CDK14: variants seen among roughly 807,000 people sequenced by gnomAD.
CDK14 encodes cyclin-dependent kinase 14.
Under a neutral mutation model 60.7 loss-of-function variants are expected in CDK14, and 34 were observed. That is an observed-to-expected ratio of 0.56 (90% CI 0.43 to 0.75). CDK14 has a LOEUF of 0.75. Among genes scored for constraint, CDK14 ranks in the 30% least tolerant of loss-of-function variants. The pLI, the probability that CDK14 is intolerant of heterozygous loss-of-function variation, is 0.00. For missense variants in CDK14, 482 were observed against 564.1 expected, an observed-to-expected ratio of 0.85 and a Z score of 1.47; for synonymous variants, 197 against 203.7, an observed-to-expected ratio of 0.97 and a Z score of 0.28.
At chr7:90,795,456 A>T (rs919655711) in intron 5 of CDK14, among the ~76,000 whole-genome samples, 1 of 150,432 alleles carries the variant, frequency 6.6e-6, no homozygotes, top group Non-Finnish European at 1.5e-5. Context: ...TTACATATAG[A>T]TATAAATTAA....
intron 4 of CDK14, among the ~76,000 whole-genome samples, chr7:90,778,543 T>G (rs1461616993): frequency 6.6e-6 from 1 of 152,182 alleles, no homozygotes; most frequent in Non-Finnish European, 1.5e-5. Context: ...TTAATCATGC[T>G]GTTACCCTTC....
intron 10 of CDK14, among the ~76,000 whole-genome samples, chr7:91,038,065 T>TG (rs1327685147): frequency 6.6e-6 from 1 of 152,196 alleles, no homozygotes; most frequent in Non-Finnish European, 1.5e-5. Context: ...CATTCAGTCC[T>TG]GCCTTCTTTC....
chr7:90,901,162 A>C (rs778635635), intron 7 of CDK14, among the ~76,000 whole-genome samples: 2 of 152,134 alleles, frequency 1.3e-5, no homozygotes, highest in Non-Finnish European at 2.9e-5. Context: ...CATTCATCAT[A>C]CTTCAAATAC....
At chr7:90,845,703 C>A (rs563275072) in intron 5 of CDK14, among the ~76,000 whole-genome samples, 42 of 152,222 alleles carry the variant, frequency 2.8e-4, no homozygotes, top group African/African-American at 9.6e-4. Context: ...ATAGGCACTA[C>A]TCAATGCTAA....
chr7:90,650,139 A>G (rs1211444080), intron 2 of CDK14, among the ~76,000 whole-genome samples: 2 of 152,140 alleles, frequency 1.3e-5, no homozygotes, highest in Non-Finnish European at 2.9e-5. Context: ...TGACATTTTA[A>G]TGATCACCAT....
intron 10 of CDK14, among the ~76,000 whole-genome samples, chr7:91,041,907 C>T (rs1481445450): frequency 1.3e-5 from 2 of 152,214 alleles, no homozygotes; most frequent in Admixed American, 6.5e-5. Context: ...GTGCCGGGCA[C>T]ATGGTGCACT....
chr7:91,011,574 A>T (rs368854244), intron 10 of CDK14, among the ~76,000 whole-genome samples: 120 of 151,932 alleles, frequency 7.9e-4, no homozygotes, highest in African/African-American at 2.8e-3. Context: ...CTACAATTAC[A>T]TGTCTTTTGG....
At chr7:90,623,922 C>T (rs924074554) in intron 2 of CDK14, among the ~76,000 whole-genome samples, 1 of 152,194 alleles carries the variant, frequency 6.6e-6, no homozygotes, top group African/African-American at 2.4e-5. Flanking sequence ...TCCTCTTTGT[C>T]ATCATCAGAA....
intron 5 of CDK14, among the ~76,000 whole-genome samples, chr7:90,816,683 G>A (rs1789370133): frequency 6.6e-6 from 1 of 152,146 alleles, no homozygotes; most frequent in Non-Finnish European, 1.5e-5. Flanking sequence ...TTCAGCGAGG[G>A]TGAGTTTGAG....
rs79008373 is a variant in CDK14, at chr7:91,068,966, G to A, written c.1106-10466G>A. ...CAGCACATTCCAGCCTAGCATACTC[G>A]TTATGGGAATGCAAGCCCCCTGCAA... On this transcript the variant is annotated intron_variant, in intron 11 of 14. Transcript: ENST00000380050. Among the ~76,000 whole-genome samples the A allele has an allele frequency of 4.3e-3, 660 of 152,148 alleles. 4 individuals carry two copies. The highest frequency in any genetic ancestry group is 0.015 in the African/African-American group (630 of 41,504).
intron 4 of CDK14, among the ~76,000 whole-genome samples, chr7:90,786,742 C>T (rs1051527585): frequency 6.6e-5 from 9 of 136,926 alleles, no homozygotes; most frequent in African/African-American, 2.5e-4. Flanking sequence ...CATAGTGAGA[C>T]CTTTTCTCTA....
intron 4 of CDK14, among the ~76,000 whole-genome samples, chr7:90,766,119 T>C (rs1388020248): frequency 6.6e-6 from 1 of 152,204 alleles, no homozygotes; most frequent in Admixed American, 6.5e-5. Context: ...CATGGAACTC[T>C]CTGTGTAGCA....
chr7:90,640,683 CTG>C (rs1311932276), intron 2 of CDK14, among the ~76,000 whole-genome samples: 1 of 151,998 alleles, frequency 6.6e-6, no homozygotes, highest in Non-Finnish European at 1.5e-5. Context: ...AGATAGGCCT[CTG>C]TGGTTTGATC....
intron 2 of CDK14, among the ~76,000 whole-genome samples, chr7:90,679,808 G>T (rs1363180720): frequency 1.3e-5 from 2 of 152,116 alleles, no homozygotes; most frequent in African/African-American, 4.8e-5. Flanking sequence ...CATTGAATCT[G>T]TCATTTTTAA....
intron 10 of CDK14, among the ~76,000 whole-genome samples, chr7:91,013,874 C>T (rs62468493): frequency 0.035 from 5,263 of 151,810 alleles, 121 homozygotes; most frequent in South Asian, 0.071. Context: ...CATTTTCAAC[C>T]CTGCATGAGT....
At chr7:90,980,824 G>A (rs999645972) in intron 9 of CDK14, among the ~76,000 whole-genome samples, 6 of 152,096 alleles carry the variant, frequency 3.9e-5, no homozygotes, top group African/African-American at 1.4e-4. Flanking sequence ...CATTCCAACT[G>A]AATAGAATTG....
chr7:90,873,019 A>C (rs1255525022), intron 6 of CDK14, among the ~76,000 whole-genome samples: 1 of 152,224 alleles, frequency 6.6e-6, no homozygotes, highest in Non-Finnish European at 1.5e-5. Context: ...TTCCTTTGGA[A>C]AGAAAAGTAT....
intron 14 of CDK14, among the ~76,000 whole-genome samples, chr7:91,180,688 C>T (rs1290333401): frequency 1.3e-5 from 2 of 152,094 alleles, no homozygotes; most frequent in African/African-American, 2.4e-5. Flanking sequence ...GGTCTCTCCA[C>T]GAGGTCAGGG....
At chr7:91,013,628 CT>C (rs747367154) in intron 10 of CDK14, among the ~76,000 whole-genome samples, 4 of 145,470 alleles carry the variant, frequency 2.7e-5, no homozygotes, top group Non-Finnish European at 6.0e-5. Context: ...AAAAATCTTT[CT>C]GTGGATCACA....
Sources: gnomAD v4.1 joint callset for allele counts (sites outside exome capture counted in the v4.1 genomes callset) on GRCh38, gnomAD v4.1.1 for gene constraint, MANE v1.5 for transcripts, NCBI Gene and HGNC (gene_info 2026-07-23, HGNC 2026-07-21) for gene names.